The following DAB1 variants were observed in gnomAD, a reference collection of about 807,000 sequenced individuals.
The protein encoded by DAB1 is disabled homolog 1.
Under a neutral mutation model 64.6 loss-of-function variants are expected in DAB1, and 15 were observed. The ratio of observed to expected loss-of-function variants is 0.23; its 90% CI spans 0.16 to 0.36. The LOEUF (loss-of-function observed/expected upper bound fraction) is 0.36. Ranked by LOEUF, DAB1 falls within the 10% of genes least tolerant of loss-of-function variation. DAB1 has a pLI of 1.00. For synonymous variants in DAB1, 235 were observed against 251.9 expected (o/e 0.93, Z 0.64); for missense variants, 596 against 706.7 (o/e 0.84, Z 1.78).
At chr1:58,532,555 T>C (rs760405743) in intron 1 of DAB1, among the ~76,000 whole-genome samples, 5 of 152,186 alleles carry the variant, frequency 3.3e-5, no homozygotes, top group Non-Finnish European at 5.9e-5. Flanking sequence ...TGAGACAGTG[T>C]CTCACTCTGT....
At chr1:58,411,356 T>G (rs1308126773) in intron 3 of DAB1, among the ~76,000 whole-genome samples, 1 of 152,182 alleles carries the variant, frequency 6.6e-6, no homozygotes, top group African/African-American at 2.4e-5. Flanking sequence ...TGGCTCAATT[T>G]CCTCATATGG....
chr1:57,393,688 T>C (rs1335978689), intron 1 of DAB1, among the ~76,000 whole-genome samples: 3 of 152,108 alleles, frequency 2.0e-5, no homozygotes, highest in Non-Finnish European at 4.4e-5. Flanking sequence ...GAAATAGATC[T>C]GGGCCAGAAA....
At chr1:57,743,606 T>C (rs1383070374) in intron 6 of DAB1, among the ~76,000 whole-genome samples, 1 of 152,194 alleles carries the variant, frequency 6.6e-6, no homozygotes, top group African/African-American at 2.4e-5. Flanking sequence ...CTGGGTACTT[T>C]CCAGGTATCA....
intron 6 of DAB1, among the ~76,000 whole-genome samples, chr1:57,804,970 A>C (rs1316558648): frequency 6.6e-6 from 1 of 152,246 alleles, no homozygotes; most frequent in Non-Finnish European, 1.5e-5. Flanking sequence ...GGACAGAGAA[A>C]GCTATCCCAG....
chr1:57,681,570 T>C (rs1226674334), intron 6 of DAB1, among the ~76,000 whole-genome samples: 1 of 152,184 alleles, frequency 6.6e-6, no homozygotes, highest in Non-Finnish European at 1.5e-5. Flanking sequence ...CATTTGGTAC[T>C]TCTCTCACTT....
At chr1:57,877,905 CTG>C (rs1644077710) in intron 1 of DAB1, among the ~76,000 whole-genome samples, 1 of 152,156 alleles carries the variant, frequency 6.6e-6, no homozygotes, top group African/African-American at 2.4e-5. Context: ...ATACTCATCA[CTG>C]TATCAGATTT....
At chr1:57,264,211 T>C (rs186715276) in intron 2 of DAB1, among the ~76,000 whole-genome samples, 2 of 152,288 alleles carry the variant, frequency 1.3e-5, no homozygotes, top group Admixed American at 1.3e-4. Context: ...TAGACTTAAT[T>C]CACTAAATAT....
intron 7 of DAB1, among the ~76,000 whole-genome samples, chr1:57,591,606 T>A (rs1645446432): frequency 6.6e-6 from 1 of 152,256 alleles, no homozygotes; most frequent in African/African-American, 2.4e-5. Context: ...GCAAGTAGCT[T>A]GACTTTGTCA....
At chr1:58,127,875 G>A (rs189502606) in intron 5 of DAB1, among the ~76,000 whole-genome samples, 10 of 152,278 alleles carry the variant, frequency 6.6e-5, no homozygotes, top group Admixed American at 1.3e-4. Flanking sequence ...TTGTAGTATA[G>A]TTTGAAGTCA....
intron 1 of DAB1, among the ~76,000 whole-genome samples, chr1:57,837,838 C>A (rs927147826): frequency 6.7e-6 from 1 of 148,672 alleles, no homozygotes; most frequent in African/African-American, 2.5e-5. Flanking sequence ...GCCCCCACCA[C>A]CATTACTACC....
At chr1:57,682,613 A>G (rs999286466) in intron 6 of DAB1, among the ~76,000 whole-genome samples, 10 of 152,032 alleles carry the variant, frequency 6.6e-5, no homozygotes, top group African/African-American at 2.4e-4. Flanking sequence ...TTCTCACCAC[A>G]GACCACTGGG....
intron 3 of DAB1, among the ~76,000 whole-genome samples, chr1:58,505,215 A>G (rs1353852626): frequency 2.0e-5 from 3 of 152,178 alleles, no homozygotes; most frequent in Non-Finnish European, 2.9e-5. Flanking sequence ...GCCTCCCAAA[A>G]TGCTGGGATA....
intron 3 of DAB1, among the ~76,000 whole-genome samples, chr1:58,404,747 T>C (rs1644601156): frequency 6.6e-6 from 1 of 152,122 alleles, no homozygotes; most frequent in South Asian, 2.1e-4. Context: ...CTTTCCACTG[T>C]TAAGTTCCTC....
chr1:57,984,240 G>GAAAGAAAGAA (rs1646148434), intron 5 of DAB1, among the ~76,000 whole-genome samples: 4 of 143,648 alleles, frequency 2.8e-5, no homozygotes, highest in African/African-American at 1.0e-4. Flanking sequence ...AAGAAAGAAA[G>GAAAGAAAGAA]AAAGAAAGAA....
chr1:57,044,212 C>A (rs372048442), intron 9 of DAB1, among the ~76,000 whole-genome samples: 45 of 152,350 alleles, frequency 3.0e-4, no homozygotes, highest in African/African-American at 1.1e-3. Flanking sequence ...GCACTCACTG[C>A]TCTGTTTGTC....
intron 4 of DAB1, among the ~76,000 whole-genome samples, chr1:57,095,168 C>A (rs1008041164): frequency 9.2e-5 from 14 of 152,154 alleles, no homozygotes; most frequent in African/African-American, 3.4e-4. Context: ...ACAGCAAGGC[C>A]ACAGGACAGG....
intron 4 of DAB1, among the ~76,000 whole-genome samples, chr1:58,192,026 A>T (rs929579000): frequency 6.6e-6 from 1 of 152,360 alleles, no homozygotes; most frequent in African/African-American, 2.4e-5. Flanking sequence ...TTACAGCTGA[A>T]GGACCTCAGG....
At chr1:57,387,965 C>T (rs536380171) in intron 1 of DAB1, among the ~76,000 whole-genome samples, 3 of 136,386 alleles carry the variant, frequency 2.2e-5, no homozygotes, top group African/African-American at 1.1e-4. Context: ...ACATGCCCCT[C>T]TGTCTTCTTC....
At chr1:58,189,020 G>T (rs553924567) in intron 4 of DAB1, among the ~76,000 whole-genome samples, 2 of 152,090 alleles carry the variant, frequency 1.3e-5, no homozygotes, top group African/African-American at 4.8e-5. Context: ...ATTGCTTGTT[G>T]TTTTTTTACA....
Sources: allele counts gnomAD v4.1 joint callset (sites outside exome capture counted in the v4.1 genomes callset), GRCh38; gene constraint gnomAD v4.1.1; transcripts MANE v1.5; gene names NCBI Gene and HGNC (gene_info 2026-07-23, HGNC 2026-07-21).